ARHGAP18: variants seen among roughly 807,000 people sequenced by gnomAD.
ARHGAP18 encodes rho GTPase-activating protein 18.
In ARHGAP18, 67 loss-of-function variants were observed where a neutral mutation model predicts 86.2. The ratio of observed to expected loss-of-function variants is 0.78; its 90% confidence interval spans 0.64 to 0.95. The LOEUF is 0.95. ARHGAP18 is among the 40% of genes least tolerant of loss of function. ARHGAP18 has a pLI of 0.00. For missense variants in ARHGAP18, 691 were observed against 780.4 expected, an observed-to-expected ratio of 0.89 and a Z score of 1.37; for synonymous variants, 283 against 280.4, an observed-to-expected ratio of 1.01 and a Z score of -0.09.
intron 1 of ARHGAP18, among the ~76,000 whole-genome samples, chr6:129,665,486 G>A (rs537405890): frequency 3.0e-4 from 46 of 152,250 alleles, no homozygotes; most frequent in Non-Finnish European, 5.7e-4. Context: ...GGAGGCAGTG[G>A]TTGCAATGAG....
intron 1 of ARHGAP18, among the ~76,000 whole-genome samples, chr6:129,645,190 T>C (rs1421880072): frequency 6.6e-6 from 1 of 152,234 alleles, no homozygotes; most frequent in Non-Finnish European, 1.5e-5. Context: ...TTTACATCAA[T>C]GAACATGTTG....
At chr6:129,624,987 T>C (rs1219499450) in intron 5 of ARHGAP18, among the ~76,000 whole-genome samples, 1 of 114,088 alleles carries the variant, frequency 8.8e-6, no homozygotes, top group Admixed American at 1.2e-4. Flanking sequence ...ATATAATATA[T>C]ATTATATATG....
intron 2 of ARHGAP18, among the ~76,000 whole-genome samples, chr6:129,639,235 A>G (rs1773396623): frequency 1.3e-5 from 2 of 152,234 alleles, no homozygotes; most frequent in African/African-American, 4.8e-5. Flanking sequence ...AAACTTATAT[A>G]GGAAGATAAT....
chr6:129,579,947 A>T, intron 14 of ARHGAP18, 123 bp downstream of exon 14: 1 of 822,736 alleles, frequency 1.2e-6, no homozygotes, highest in Non-Finnish European at 1.9e-6. Flanking sequence ...AATATTCAGC[A>T]ACTTATCTAA....
At chr6:129,656,870 G>T (rs955807950) in intron 1 of ARHGAP18, among the ~76,000 whole-genome samples, 1 of 152,112 alleles carries the variant, frequency 6.6e-6, no homozygotes, top group Non-Finnish European at 1.5e-5. Flanking sequence ...ATCCCCTCCT[G>T]GGAAAAGTTT....
At chr6:129,652,211 C>T (rs993205941) in intron 1 of ARHGAP18, among the ~76,000 whole-genome samples, 4 of 152,226 alleles carry the variant, frequency 2.6e-5, no homozygotes, top group Admixed American at 2.0e-4. Flanking sequence ...GAAGCCCCCT[C>T]GCAGTCCATT....
At chr6:129,585,725 A>G (rs1788384339) in intron 12 of ARHGAP18, among the ~76,000 whole-genome samples, 2 of 152,212 alleles carry the variant, frequency 1.3e-5, no homozygotes, top group African/African-American at 4.8e-5. Context: ...CCTTACACTC[A>G]TGACTTTGCT....
chr6:129,685,258 G>A (rs1774405092), intron 1 of ARHGAP18, among the ~76,000 whole-genome samples: 1 of 152,170 alleles, frequency 6.6e-6, no homozygotes, highest in East Asian at 1.9e-4. Context: ...TGTAATCCCA[G>A]TACTTTGGGA....
At chr6:129,629,888 AAAG>A (rs1477094703) in intron 4 of ARHGAP18, among the ~76,000 whole-genome samples, 5 of 152,222 alleles carry the variant, frequency 3.3e-5, no homozygotes, top group Admixed American at 6.5e-5. Flanking sequence ...AAAAGCAAAA[AAAG>A]AAGGAGGTGA....
At chr6:129,639,300 T>C (rs1773397875) in intron 2 of ARHGAP18, among the ~76,000 whole-genome samples, 1 of 152,098 alleles carries the variant, frequency 6.6e-6, no homozygotes, top group Admixed American at 6.5e-5. Flanking sequence ...GCAAATATTG[T>C]GTAAGATCTA....
intron 1 of ARHGAP18, among the ~76,000 whole-genome samples, chr6:129,655,167 A>C (rs2114513060): frequency 6.6e-6 from 1 of 151,958 alleles, no homozygotes; most frequent in Middle Eastern, 3.4e-3. Flanking sequence ...CTAAAATACA[A>C]AATTAGCCAG....
intron 1 of ARHGAP18, among the ~76,000 whole-genome samples, chr6:129,657,025 T>A (rs1029403212): frequency 6.6e-6 from 1 of 152,232 alleles, no homozygotes; most frequent in African/African-American, 2.4e-5. Context: ...TACCTACAGA[T>A]AATAGCATAT....
At chr6:129,611,022 G>T (rs1320812272) in intron 8 of ARHGAP18, among the ~76,000 whole-genome samples, 1 of 152,114 alleles carries the variant, frequency 6.6e-6, no homozygotes, top group Non-Finnish European at 1.5e-5. Flanking sequence ...TCAGCTTCCT[G>T]AGTAGCTGGA....
chr6:129,679,646 T>G lies in ARHGAP18; in HGVS notation c.113+30378A>C, dbSNP rs563637284. Among the ~76,000 whole-genome samples the G allele has an allele frequency of 6.4e-4, 98 of 152,342 alleles. 1 individual carries two copies. The highest frequency in any genetic ancestry group is 3.5e-4 in the Non-Finnish European group (24 of 68,022). On this transcript the variant is annotated intron_variant, in intron 1 of 14. Transcript: ENST00000368149. Reference sequence around the variant, plus strand: ...CCTGGCTTGTAGTAAAAGCTGATATTACATGTAAGTAAACAACAGGGTGTT... The same window carrying G: ...CCTGGCTTGTAGTAAAAGCTGATATGACATGTAAGTAAACAACAGGGTGTT...
At chr6:129,623,956 A>G (rs1789286023) in intron 5 of ARHGAP18, among the ~76,000 whole-genome samples, 1 of 152,234 alleles carries the variant, frequency 6.6e-6, no homozygotes, top group African/African-American at 2.4e-5. Flanking sequence ...CTTGGCAAAT[A>G]TGGAACAACA....
chr6:129,591,785 T>A (rs1004561178), intron 12 of ARHGAP18, among the ~76,000 whole-genome samples: 1 of 152,110 alleles, frequency 6.6e-6, no homozygotes, highest in African/African-American at 2.4e-5. Flanking sequence ...AAAGGGCAAA[T>A]TGGAAATACA....
At chr6:129,688,925 C>T (rs2114544842) in intron 1 of ARHGAP18, among the ~76,000 whole-genome samples, 1 of 152,290 alleles carries the variant, frequency 6.6e-6, no homozygotes, top group East Asian at 1.9e-4. Context: ...CTGCATCTAA[C>T]TATTGTCTAA....
At chr6:129,659,054 TATCATCACTGCAACATGTAATA>T (rs1773898210) in intron 1 of ARHGAP18, among the ~76,000 whole-genome samples, 1 of 152,218 alleles carries the variant, frequency 6.6e-6, no homozygotes, top group Non-Finnish European at 1.5e-5. Flanking sequence ...ATACACCAAA[TATCATCACTGCAACATGTAATA>T]AATATGGCAA....
intron 1 of ARHGAP18, among the ~76,000 whole-genome samples, chr6:129,683,609 G>T (rs1440842292): frequency 2.0e-5 from 3 of 152,192 alleles, no homozygotes; most frequent in Non-Finnish European, 4.4e-5. Context: ...AGAGCGGAAT[G>T]ATAACAAGTC....
Sources: gnomAD v4.1 joint callset for allele counts (sites outside exome capture counted in the v4.1 genomes callset) on GRCh38, gnomAD v4.1.1 for gene constraint, MANE v1.5 for transcripts, NCBI Gene and HGNC (gene_info 2026-07-23, HGNC 2026-07-21) for gene names.